Variants in GALNT17 observed in about 807,000 individuals in gnomAD.
GALNT17 encodes polypeptide N-acetylgalactosaminyltransferase 17.
A neutral mutation model predicts 63.7 loss-of-function variants in GALNT17; 29 were observed. The observed-to-expected ratio is 0.46, with a 90% CI of 0.34 to 0.62. The LOEUF (loss-of-function observed/expected upper bound fraction) is 0.62. Among genes scored for constraint, GALNT17 ranks in the 20% least tolerant of loss-of-function variants. GALNT17 has a pLI of 0.01. For synonymous variants in GALNT17, 305 were observed against 318.3 expected (o/e 0.96, Z 0.45); for missense variants, 603 against 799.6 (o/e 0.75, Z 2.97).
At chr7:71,333,006 C>T (rs1486371281) in intron 1 of GALNT17, among the ~76,000 whole-genome samples, 1 of 152,192 alleles carries the variant, frequency 6.6e-6, no homozygotes, top group Non-Finnish European at 1.5e-5. Flanking sequence ...ATATACAGCT[C>T]ATATCACTCA....
At chr7:71,664,848 G>T (rs1034643824) in intron 6 of GALNT17, among the ~76,000 whole-genome samples, 1 of 152,112 alleles carries the variant, frequency 6.6e-6, no homozygotes, top group Non-Finnish European at 1.5e-5. Context: ...CCTAGAGGTG[G>T]ATTTTATATC....
chr7:71,445,365 T>G (rs1787143444), intron 5 of GALNT17, among the ~76,000 whole-genome samples: 1 of 147,902 alleles, frequency 6.8e-6, no homozygotes, highest in Admixed American at 6.8e-5. Context: ...TTTTGTTTGT[T>G]TTTTTTTTTT....
intron 1 of GALNT17, among the ~76,000 whole-genome samples, chr7:71,195,306 C>A (rs1001047747): frequency 6.6e-6 from 1 of 152,164 alleles, no homozygotes; most frequent in Non-Finnish European, 1.5e-5. Flanking sequence ...ACCTCGACCT[C>A]CTGGCCTCAG....
At chr7:71,427,259 A>T (rs1252653776) in intron 5 of GALNT17, among the ~76,000 whole-genome samples, 4 of 150,554 alleles carry the variant, frequency 2.7e-5, no homozygotes, top group African/African-American at 7.3e-5. Flanking sequence ...TTTTTATTTT[A>T]ATTTTTTTTT....
At chr7:71,588,974 C>T (rs914362749) in intron 6 of GALNT17, among the ~76,000 whole-genome samples, 1 of 152,062 alleles carries the variant, frequency 6.6e-6, no homozygotes, top group African/African-American at 2.4e-5. Context: ...GACACATAGC[C>T]CACATAAGGG....
At chr7:71,361,002 A>G (rs1792390159) in intron 2 of GALNT17, among the ~76,000 whole-genome samples, 1 of 152,176 alleles carries the variant, frequency 6.6e-6, no homozygotes, top group African/African-American at 2.4e-5. Context: ...TCAAGAAACA[A>G]ATAATCCTGA....
intron 5 of GALNT17, among the ~76,000 whole-genome samples, chr7:71,525,572 G>A (rs745745093): frequency 7.3e-5 from 11 of 151,486 alleles, no homozygotes; most frequent in East Asian, 1.9e-4. Context: ...TTCTCCTTTC[G>A]TTTAGTTCTC....
intron 1 of GALNT17, among the ~76,000 whole-genome samples, chr7:71,269,615 C>G (rs1478524549): frequency 1.3e-5 from 2 of 152,206 alleles, no homozygotes; most frequent in African/African-American, 4.8e-5. Flanking sequence ...GGTCCTCGAC[C>G]CACACGTGGG....
intron 3 of GALNT17, among the ~76,000 whole-genome samples, chr7:71,403,571 A>G (rs1793276062): frequency 6.6e-6 from 1 of 152,226 alleles, no homozygotes; most frequent in Non-Finnish European, 1.5e-5. Context: ...ATGATGCATT[A>G]GTAACTTAAC....
At chr7:71,446,676 G>A (rs568241517) in intron 5 of GALNT17, among the ~76,000 whole-genome samples, 218 of 152,282 alleles carry the variant, frequency 1.4e-3, no homozygotes, top group African/African-American at 4.9e-3. Flanking sequence ...GACCTCCAGA[G>A]TAGCTGGGAT....
At chr7:71,224,375 A>G (rs1024828826) in intron 1 of GALNT17, among the ~76,000 whole-genome samples, 4 of 152,168 alleles carry the variant, frequency 2.6e-5, no homozygotes, top group African/African-American at 9.7e-5. Flanking sequence ...TTGATCATCA[A>G]GATTTTCTTT....
At chr7:71,587,130 C>T (rs1384717907) in intron 6 of GALNT17, among the ~76,000 whole-genome samples, 3 of 152,096 alleles carry the variant, frequency 2.0e-5, no homozygotes, top group Non-Finnish European at 4.4e-5. Flanking sequence ...TGGGTTCAAG[C>T]GATTCTCCTG....
At chr7:71,438,785 G>A (rs776738946) in intron 5 of GALNT17, among the ~76,000 whole-genome samples, 2 of 152,004 alleles carry the variant, frequency 1.3e-5, no homozygotes. Flanking sequence ...ATTTGGTCTA[G>A]GTCATACAAC....
At chr7:71,594,912 T>C (rs1398957697) in intron 6 of GALNT17, among the ~76,000 whole-genome samples, 1 of 152,172 alleles carries the variant, frequency 6.6e-6, no homozygotes, top group African/African-American at 2.4e-5. Flanking sequence ...GGACATGACC[T>C]TATTGGGACA....
At chr7:71,349,232 G>A (rs76675875) in intron 2 of GALNT17, among the ~76,000 whole-genome samples, 1 of 113,862 alleles carries the variant, frequency 8.8e-6, no homozygotes, top group Admixed American at 8.2e-5. Flanking sequence ...CGGTGCTTTC[G>A]TAACAAGCTG....
chr7:71,568,504 A>G (rs1789386662), intron 5 of GALNT17, among the ~76,000 whole-genome samples: 1 of 152,216 alleles, frequency 6.6e-6, no homozygotes, highest in Non-Finnish European at 1.5e-5. Flanking sequence ...CTACAGCACC[A>G]GCAAAATGCC....
At chr7:71,620,914 C>T (rs1381646365) in intron 6 of GALNT17, among the ~76,000 whole-genome samples, 2 of 152,198 alleles carry the variant, frequency 1.3e-5, no homozygotes, top group African/African-American at 4.8e-5. Flanking sequence ...CATTGGCTTG[C>T]AAATTCAGAT....
chr7:71,538,187 T>C (rs1788830656), intron 5 of GALNT17, among the ~76,000 whole-genome samples: 1 of 152,176 alleles, frequency 6.6e-6, no homozygotes, highest in Admixed American at 6.6e-5. Flanking sequence ...CTTAGAACAC[T>C]TCGAGTGGTT....
At position 71,633,103 on chromosome 7, in the gene GALNT17, C is replaced by CAA. The variant is rs71089970; in HGVS notation, c.1081-32287_1081-32286dup. On this transcript the variant is annotated intron_variant, in intron 6 of 10. Transcript: ENST00000333538. ...TGGGCGACAGAGTGAGACTCTGTCT[C>CAA]AAAAAAAAAAAAAAAAAAAAAAGAA... Among the ~76,000 whole-genome samples the CAA allele has an allele frequency of 4.5e-3, 326 of 72,220 alleles. 4 individuals are homozygous for CAA. Among genetic ancestry groups the CAA allele is most frequent in the African/African-American group, 0.014 (241 of 16,730 alleles). The allele number at this position is 72,220 out of a possible 152,430, so 47.4% of individuals were successfully genotyped here.
Sources: gnomAD v4.1 joint callset for allele counts (sites outside exome capture counted in the v4.1 genomes callset) on GRCh38, gnomAD v4.1.1 for gene constraint, MANE v1.5 for transcripts, NCBI Gene and HGNC (gene_info 2026-07-23, HGNC 2026-07-21) for gene names.